The following PAX2 variants were observed in gnomAD, a reference collection of about 807,000 sequenced individuals.
PAX2 encodes paired box 2, also known as paired box protein Pax-2.
Under a neutral mutation model 41.7 loss-of-function variants are expected in PAX2, and 9 were observed. That is an observed-to-expected ratio of 0.22 (90% CI 0.13 to 0.38). The LOEUF is 0.38. PAX2 is among the 10% of genes least tolerant of loss of function. The pLI, the probability that PAX2 is intolerant of heterozygous loss-of-function variation, is 1.00. For missense variants in PAX2, 418 were observed against 531.6 expected (o/e 0.79, Z 2.10); for synonymous variants, 221 against 212.7 (o/e 1.04, Z -0.34).
intron 7 of PAX2, among the ~76,000 whole-genome samples, chr10:100,814,782 G>A (rs1328177023): frequency 6.6e-6 from 1 of 152,346 alleles, no homozygotes; most frequent in South Asian, 2.1e-4. Flanking sequence ...TCTCTTAATT[G>A]CTGAAGACTG....
chr10:100,741,760 C>T (rs1406996741), upstream of PAX2, among the ~76,000 whole-genome samples: 3 of 152,362 alleles, frequency 2.0e-5, no homozygotes, highest in East Asian at 3.9e-4. Context: ...CCCTCTCTCC[C>T]CTCCCTTTCT....
chr10:100,758,004 G>A (rs779824346), intron 3 of PAX2, among the ~76,000 whole-genome samples: 16 of 152,266 alleles, frequency 1.1e-4, no homozygotes, highest in African/African-American at 3.6e-4. Flanking sequence ...TGGCACATCC[G>A]CAATCAACCA....
At chr10:100,804,134 G>A (rs547581405) in intron 5 of PAX2, among the ~76,000 whole-genome samples, 3 of 152,080 alleles carry the variant, frequency 2.0e-5, no homozygotes, top group Admixed American at 6.6e-5. Context: ...ACCTCTCTGC[G>A]GGCCGGGGAG....
chr10:100,739,700 C>T (rs967254494), intron 1 of PAX2, among the ~76,000 whole-genome samples: 62 of 152,232 alleles, frequency 4.1e-4, no homozygotes, highest in Non-Finnish European at 8.2e-4. Flanking sequence ...CGCCTGCCCC[C>T]ACCCTCCGCA....
intron 5 of PAX2, among the ~76,000 whole-genome samples, chr10:100,785,660 G>A (rs1348449956): frequency 6.6e-6 from 1 of 152,164 alleles, no homozygotes. Flanking sequence ...TAGACTTGGA[G>A]CAAATGAGGG....
chr10:100,755,330 C>T (rs2133846213), intron 3 of PAX2, among the ~76,000 whole-genome samples: 1 of 152,306 alleles, frequency 6.6e-6, no homozygotes, highest in East Asian at 1.9e-4. Context: ...TTGCTGCTTG[C>T]CCTGCCTTCC....
chr10:100,741,632 T>C (rs1023836290), upstream of PAX2, among the ~76,000 whole-genome samples: 1 of 152,048 alleles, frequency 6.6e-6, no homozygotes, highest in Non-Finnish European at 1.5e-5. Context: ...TGAGCCTCGG[T>C]TGGTCGGCTC....
At chr10:100,797,742 C>T (rs1847388874) in intron 5 of PAX2, among the ~76,000 whole-genome samples, 1 of 152,134 alleles carries the variant, frequency 6.6e-6, no homozygotes, top group Admixed American at 6.5e-5. Flanking sequence ...GAGCTAACAG[C>T]CCTCTTGTAT....
At chr10:100,747,569 G>A in intron 1 of PAX2, 5 of 975,826 alleles carry the variant, frequency 5.1e-6, no homozygotes, top group Non-Finnish European at 6.1e-6. Flanking sequence ...TTTTCACAAG[G>A]AAACTTTAGA....
At position 100,772,101 on chromosome 10, in the gene PAX2, G is replaced by A. The variant is rs144138808; in HGVS notation, c.411-7397G>A. Among the ~76,000 whole-genome samples the A allele has an allele frequency of 1.6e-4, 24 of 151,734 alleles. 1 individual carries two copies. In the East Asian group the frequency reaches 3.5e-3, roughly 22 times the overall value. On this transcript the variant is annotated intron_variant, in intron 3 of 9. Transcript: ENST00000355243. ...ATTACAGGCGTGAGCCACTGTGCCC[G>A]GCCACAAATATCCTTTTTAATATCT...
rs1848679916 is a variant in PAX2, at chr10:100,828,883, T to C, written c.*1264T>C. The C allele has an allele frequency of 1.7e-5, 4 of 231,164 alleles. No individual in the cohort carries two copies. Among genetic ancestry groups the C allele is most frequent in the Non-Finnish European group, 3.4e-5 (4 of 116,314 alleles). The allele number at this position is 231,164 out of a possible 1,614,324, so 14.3% of individuals were successfully genotyped here. The stretch of plus-strand genomic sequence containing the variant: ...TTGTGGAAAGACGGTGTGTGTCGTG[T>C]GAAGGCGAAACCCGGTGTACATAAC... On this transcript the variant is annotated 3_prime_UTR_variant, in exon 10 of 10. Coordinates refer to ENST00000355243, the MANE Select transcript of PAX2 (RefSeq NM_000278.5). This position sits in a 1 kb window ranked among gnomAD's most constrained non-coding sequence, Gnocchi z 6.5.
At chr10:100,746,709 C>T (rs1845191924) in intron 1 of PAX2, among the ~76,000 whole-genome samples, 1 of 152,186 alleles carries the variant, frequency 6.6e-6, no homozygotes, top group Admixed American at 6.5e-5. Context: ...TTTTCTCTGT[C>T]TTTTCTCTCT....
upstream of PAX2, among the ~76,000 whole-genome samples, chr10:100,742,428 CAGTAGCTCGGCCTGGAGGGCGGA>C (rs1318871154): frequency 1.3e-4 from 19 of 151,948 alleles, no homozygotes; most frequent in African/African-American, 3.6e-4. Context: ...ACCAGGCCGG[CAGTAGCTCGGCCTGGAGGGCGGA>C]GGCAAGGTTG....
At chr10:100,768,437 G>A (rs1228060726) in intron 3 of PAX2, among the ~76,000 whole-genome samples, 2 of 152,286 alleles carry the variant, frequency 1.3e-5, no homozygotes, top group South Asian at 2.1e-4. Flanking sequence ...AAAATTCACC[G>A]AAGCCTATAG....
chr10:100,812,679 A>G (rs1297439877), intron 7 of PAX2, among the ~76,000 whole-genome samples: 1 of 150,282 alleles, frequency 6.7e-6, no homozygotes, highest in Non-Finnish European at 1.5e-5. Flanking sequence ...TCTCACCTTG[A>G]CCCCCCCTCC....
At chr10:100,815,995 G>A (rs988879820) in intron 7 of PAX2, among the ~76,000 whole-genome samples, 3 of 152,164 alleles carry the variant, frequency 2.0e-5, no homozygotes, top group South Asian at 2.1e-4. Context: ...TGTTTTCTAC[G>A]CTGAGCTCAA....
Position 100,806,603 on chromosome 10 carries a change from C to G in PAX2, c.790C>G (p.Gln264Glu). Residue 264 changes from glutamine to glutamate, a missense_variant and splice_region_variant, in exon 6 of 10, where the codon CAG (glutamine) becomes GAG (glutamate). By Grantham distance (29) the Gln-to-Glu change is conservative. This residue lies in a region of PAX2 where 310 missense variants were observed against 325.2 expected (regional missense o/e 0.95). Transcript: ENST00000355243. ...GGCATCAGAGCACATCAAATCAGAA[C>G]AGGTGAGGAGGGAGCTTTCTGCTTG... is the stretch of plus-strand genomic sequence containing the variant. ...FQASEHIKSE[Q>E]GNEYSLPALT... The G allele has an allele frequency of 6.2e-7, 1 of 1,613,690 alleles. No individual in the cohort carries two copies. The highest frequency in any genetic ancestry group is 1.1e-5 in the South Asian group (1 of 91,080).
chr10:100,816,261 T>C (rs1848181981), intron 7 of PAX2, among the ~76,000 whole-genome samples: 3 of 152,246 alleles, frequency 2.0e-5, no homozygotes, highest in African/African-American at 7.2e-5. Context: ...GATTGCCCAG[T>C]TGAGAATACT....
intron 3 of PAX2, among the ~76,000 whole-genome samples, chr10:100,766,719 G>A (rs1846042432): frequency 6.6e-6 from 1 of 152,270 alleles, no homozygotes. Context: ...AAGCAGCAGT[G>A]CAAATGACCA....
Sources: gnomAD v4.1 joint callset for allele counts (sites outside exome capture counted in the v4.1 genomes callset) on GRCh38, gnomAD v4.1.1 for gene constraint, gnomAD v4.1.1 regional missense constraint, Gnocchi (gnomAD v3.1) non-coding constraint, MANE v1.5 for transcripts, NCBI Gene and HGNC (gene_info 2026-07-23, HGNC 2026-07-21) for gene names.